Variants in AFAP1L1 observed in about 807,000 individuals in gnomAD.
AFAP1L1 encodes actin filament associated protein 1 like 1, also known as actin filament-associated protein 1-like 1.
Under a neutral mutation model 99.8 loss-of-function variants are expected in AFAP1L1, and 77 were observed. The ratio of observed to expected loss-of-function variants is 0.77; its 90% CI spans 0.64 to 0.93. AFAP1L1 has a LOEUF of 0.93. AFAP1L1 is among the 40% of genes least tolerant of loss of function. The probability of loss-of-function intolerance (pLI) is 0.00; values close to 1 mark genes in which losing one functional copy is unlikely to be tolerated. For synonymous variants in AFAP1L1, 373 were observed against 395.3 expected, an observed-to-expected ratio of 0.94 and a Z score of 0.67; for missense variants, 893 against 996.8, an observed-to-expected ratio of 0.90 and a Z score of 1.40.
rs1424031943 is a variant in AFAP1L1, at chr5:149,340,625, G to A, written c.*595G>A. ...CAAATTCTACAGTCATTCCTCATATGCTTTAGACAGAGTGCAGCTACTGGA... is the reference window on the plus strand; with the variant it reads ...CAAATTCTACAGTCATTCCTCATATACTTTAGACAGAGTGCAGCTACTGGA... On this transcript the variant is annotated 3_prime_UTR_variant, in exon 19 of 19. Coordinates refer to ENST00000296721, the MANE Select transcript of AFAP1L1 (RefSeq NM_152406.4). The A allele has an allele frequency of 1.3e-5, 2 of 152,698 alleles. No homozygotes were observed. Among genetic ancestry groups the A allele is most frequent in the Admixed American group, 6.5e-5 (1 of 15,300 alleles). The allele number at this position is 152,698 out of a possible 1,614,324, so 9.5% of individuals were successfully genotyped here.
At position 149,324,063 on chromosome 5, in the gene AFAP1L1, G is replaced by A. The variant is rs1757027647; in HGVS notation, c.1810+1346G>A. ...TTTTCCTGTTAGCCATCACTGTGGG[G>A]TCATAAGCTTCCTTGAAGGGCAGTG... On this transcript the variant is annotated intron_variant, in intron 15 of 18. Coordinates refer to ENST00000296721, the MANE Select transcript of AFAP1L1 (RefSeq NM_152406.4). Among the ~76,000 whole-genome samples, 3 of 152,348 alleles carry A rather than the reference G, an allele frequency of 2.0e-5. No homozygotes were observed. In the South Asian group the frequency reaches 6.2e-4, roughly 32 times the overall value.
intron 1 of AFAP1L1, among the ~76,000 whole-genome samples, chr5:149,284,399 G>C (rs946752742): frequency 1.3e-5 from 2 of 152,178 alleles, no homozygotes; most frequent in Admixed American, 6.5e-5. Flanking sequence ...ACTGAAAATG[G>C]AGATAACAGT....
rs763878251 is a variant in AFAP1L1 at position 149,302,483 on chromosome 5, TC to T, written c.395del (p.Pro132LeufsTer40). Reference protein sequence around the residue: ...PPEDYYEEALPLGPGKSPEYI... With the variant: ...PPEDYYEEALXLGPGKSPEYI... The stretch of plus-strand genomic sequence containing the variant: ...CTGAGGACTACTATGAAGAGGCCCT[TC>T]CTCTGGGACCCGGCAAGTCGCCTGA... On this transcript the variant is annotated frameshift_variant, in exon 5 of 19. Transcript: ENST00000296721. LOFTEE classifies it high-confidence loss of function. 3.1e-6 allele frequency: 5 copies of T among 1,596,012 alleles called. No homozygotes were observed. The highest frequency in any genetic ancestry group is 3.4e-6 in the Non-Finnish European group (4 of 1,171,418).
At chr5:149,307,258 T>C in intron 6 of AFAP1L1, 144 bp from the exon 7 acceptor site, 1 of 796,342 alleles carries the variant, frequency 1.3e-6, no homozygotes, top group Non-Finnish European at 2.0e-6. Context: ...AAAAAAAAAG[T>C]AGGGGCCTTA....
At position 149,332,754 on chromosome 5, in the gene AFAP1L1, A is replaced by G. The variant is rs1415495488; in HGVS notation, c.2035A>G (p.Lys679Glu). ...VATLEAQCRAKEERRIDLELK... is the reference protein window; with the variant it reads ...VATLEAQCRAEEERRIDLELK... ...CACCCTGGAAGCTCAGTGTCGGGCA[A>G]AGGAGGAGCGCCGGATTGACCTGGA... The change falls in exon 17 of 19, where the codon AAG becomes GAG. Residue 679 changes from lysine (K) to glutamate (E), a missense_variant. Physicochemically the swap from Lys to Glu is moderately conservative, Grantham distance 56 (BLOSUM62 1). Transcript: ENST00000296721. 6.2e-7 allele frequency: 1 copy of G among 1,613,884 alleles called. No homozygotes were observed. The highest frequency in any genetic ancestry group is 8.5e-7 in the Non-Finnish European group (1 of 1,180,024).
chr5:149,289,718 G>A (rs980214244), intron 1 of AFAP1L1, among the ~76,000 whole-genome samples: 1 of 152,216 alleles, frequency 6.6e-6, no homozygotes, highest in Non-Finnish European at 1.5e-5. Flanking sequence ...TGTGGGCAGG[G>A]GAAGGAGAGA....
chr5:149,325,978 C>T (rs573478511), intron 15 of AFAP1L1, among the ~76,000 whole-genome samples: 15 of 152,216 alleles, frequency 9.9e-5, no homozygotes, highest in African/African-American at 2.9e-4. Flanking sequence ...TTGGAGGGTA[C>T]GAACATTCAA....
At chr5:149,292,272 T>G (rs1755883071) in intron 1 of AFAP1L1, among the ~76,000 whole-genome samples, 1 of 152,250 alleles carries the variant, frequency 6.6e-6, no homozygotes, top group South Asian at 2.1e-4. Flanking sequence ...GATCTCTAAA[T>G]AAATCTGACC....
At chr5:149,324,476 T>C (rs1757039208) in intron 15 of AFAP1L1, among the ~76,000 whole-genome samples, 1 of 152,228 alleles carries the variant, frequency 6.6e-6, no homozygotes, top group Admixed American at 6.5e-5. Flanking sequence ...TTTTGGGGGA[T>C]GTAAACATCT....
At chr5:149,302,788 G>C (rs895891671) in intron 5 of AFAP1L1, 13 of 364,208 alleles carry the variant, frequency 3.6e-5, no homozygotes, top group African/African-American at 2.5e-4. Context: ...TTGCCCTCTG[G>C]ATCTCTGTGC....
In AFAP1L1 at chr5:149,322,621, C is replaced by T. The variant is rs765027464; in HGVS notation, c.1714C>T (p.Arg572Cys). 85 of 1,579,974 alleles carry T rather than the reference C, an allele frequency of 5.4e-5. No homozygotes were observed. Among genetic ancestry groups the T allele is most frequent in the East Asian group, 6.9e-5 (3 of 43,378 alleles). Residue 572 changes from arginine (R) to cysteine (C), a missense_variant, in exon 15 of 19, where the codon CGC (arginine) becomes TGC (cysteine). By Grantham distance (180) the Arg-to-Cys change is radical. Transcript: ENST00000296721. ...CTCCCACCAGGACGAGGAGCCCGAG[C>T]GCCCCACAGGGGCCCAGGTGAAGCG... is the stretch of plus-strand genomic sequence containing the variant. ...YEKMQDEEPE[R>C]PTGAQVKRHA...
chr5:149,309,757 A>G (rs1259880561), intron 7 of AFAP1L1, among the ~76,000 whole-genome samples, 199 bp from the exon 8 acceptor site: 1 of 152,136 alleles, frequency 6.6e-6, no homozygotes, highest in East Asian at 1.9e-4. Context: ...AAAATTGCCC[A>G]AAGATGCCTC....
At position 149,275,752 on chromosome 5, in the gene AFAP1L1, C is replaced by T. The variant is rs578192253; in HGVS notation, c.16+3768C>T. Among the ~76,000 whole-genome samples the T allele has an allele frequency of 2.4e-4, 36 of 152,000 alleles. No individual in the cohort carries two copies. In the South Asian group the frequency reaches 7.1e-3, roughly 30 times the overall value. On this transcript the variant is annotated intron_variant, in intron 1 of 18. Transcript: ENST00000296721. Reference sequence around the variant, plus strand: ...CCATCTCCTGACCTCGTGATCCACCCGCCTCAGCCTCCCAAAGTGCTGGGA... The same window carrying T: ...CCATCTCCTGACCTCGTGATCCACCTGCCTCAGCCTCCCAAAGTGCTGGGA...
intron 1 of AFAP1L1, among the ~76,000 whole-genome samples, chr5:149,291,292 G>A (rs758921250): frequency 6.6e-6 from 1 of 152,010 alleles, no homozygotes; most frequent in Non-Finnish European, 1.5e-5. Flanking sequence ...ACTTTGGGAG[G>A]CTGAGGTGGG....
rs1424097900 is a variant in AFAP1L1 at position 149,340,358 on chromosome 5, T to A, written c.*328T>A. On this transcript the variant is annotated 3_prime_UTR_variant, in exon 19 of 19. Transcript: ENST00000296721. The stretch of plus-strand genomic sequence containing the variant: ...GAAGGGAAGAAGTAATGAAAGCACA[T>A]GTGAATAACCCCTTCCATCCCATTC... The A allele has an allele frequency of 1.1e-5, 3 of 280,852 alleles. No individual in the cohort carries two copies. The allele number at this position is 280,852 out of a possible 1,614,324, so 17.4% of individuals were successfully genotyped here.
chr5:149,302,354 T>TC lies in AFAP1L1; in HGVS notation c.328-61dup, dbSNP rs1342989127. Reference sequence around the variant, plus strand: ...CCTTCTGCGAGCTCCTGCCTCCCTCTCCCTCAGCCTCTCTCTCCCTACCCT... The same window carrying TC: ...CCTTCTGCGAGCTCCTGCCTCCCTCTCCCCTCAGCCTCTCTCTCCCTACCCT... On this transcript the variant is annotated intron_variant, in intron 4 of 18. Coordinates refer to ENST00000296721, the MANE Select transcript of AFAP1L1 (RefSeq NM_152406.4). 65 of 1,229,742 alleles carry TC rather than the reference T, an allele frequency of 5.3e-5. No homozygotes were observed. In the African/African-American group the frequency reaches 9.8e-4, roughly 18 times the overall value. The allele number at this position is 1,229,742 out of a possible 1,614,324, so 76.2% of individuals were successfully genotyped here.
chr5:149,285,279 G>GGT (rs1184867531), intron 1 of AFAP1L1, among the ~76,000 whole-genome samples: 1 of 152,072 alleles, frequency 6.6e-6, no homozygotes, highest in Non-Finnish European at 1.5e-5. Flanking sequence ...CTCCCACCTA[G>GGT]AATATCTAAT....
At chr5:149,272,012 G>T (rs1303456387) in intron 1 of AFAP1L1, 28 bp downstream of exon 1, 2 of 1,239,972 alleles carry the variant, frequency 1.6e-6, no homozygotes, top group Non-Finnish European at 1.0e-6. Context: ...GCCCGCACTT[G>T]TTGCGGCGCC....
At position 149,329,713 on chromosome 5, in the gene AFAP1L1, CGGAGGTACTT is replaced by C; in HGVS notation, c.1861_1870del (p.Arg621Ter). On this transcript the variant is annotated frameshift_variant, in exon 16 of 19. Coordinates refer to ENST00000296721, the MANE Select transcript of AFAP1L1 (RefSeq NM_152406.4). LOFTEE classifies it high-confidence loss of function. ...CAAGAACCGAGCCGAGGAGGATGCC[CGGAGGTACTT>C]GGTAGAAAAAGAGAAGCTGGAGAAA... The C allele has an allele frequency of 6.2e-7, 1 of 1,613,922 alleles. No individual in the cohort carries two copies. Among genetic ancestry groups the C allele is most frequent in the East Asian group, 2.2e-5 (1 of 44,886 alleles).
Sources: gnomAD v4.1 joint callset for allele counts (sites outside exome capture counted in the v4.1 genomes callset) on GRCh38, gnomAD v4.1.1 for gene constraint, MANE v1.5 for transcripts, NCBI Gene and HGNC (gene_info 2026-07-23, HGNC 2026-07-21) for gene names.